GLIS3: variants seen among roughly 807,000 people sequenced by gnomAD.
The protein encoded by GLIS3 is GLIS family zinc finger 3, also known as zinc finger protein GLIS3.
Under a neutral mutation model 78.6 loss-of-function variants are expected in GLIS3, and 53 were observed. The observed-to-expected ratio is 0.67, with a 90% CI of 0.54 to 0.85. GLIS3 has a LOEUF of 0.85. Ranked by LOEUF, GLIS3 falls within the 40% of genes least tolerant of loss-of-function variation. The pLI is 0.00. For synonymous variants in GLIS3, 684 were observed against 509.9 expected (o/e 1.34, Z -4.60); for missense variants, 1,703 against 1,231.1 (o/e 1.38, Z -5.74).
chr9:4,401,855 C>A, the GLIS3 span, among the ~76,000 whole-genome samples: 2 of 152,090 alleles, frequency 1.3e-5, no homozygotes, highest in Non-Finnish European at 2.9e-5. Flanking sequence ...CCTGGCAGAA[C>A]CCCTGTGGAC....
At chr9:4,039,461 A>T (rs980809967) in intron 4 of GLIS3, among the ~76,000 whole-genome samples, 3 of 152,180 alleles carry the variant, frequency 2.0e-5, no homozygotes, top group African/African-American at 4.8e-5. Flanking sequence ...TGCTTCTTGG[A>T]AACAAGCTGC....
intron 5 of GLIS3, among the ~76,000 whole-genome samples, chr9:3,935,723 C>CT (rs1410412465): frequency 2.0e-5 from 3 of 151,504 alleles, no homozygotes; most frequent in African/African-American, 2.4e-5. Flanking sequence ...ACAATTTATT[C>CT]TTTTTTTTTC....
the GLIS3 span, among the ~76,000 whole-genome samples, chr9:4,410,020 G>T: frequency 1.3e-5 from 2 of 152,150 alleles, no homozygotes; most frequent in African/African-American, 2.4e-5. Context: ...ACCCAGGCTG[G>T]AGTGCAGTGG....
At chr9:4,231,603 C>G (rs1032562953) in intron 2 of GLIS3, among the ~76,000 whole-genome samples, 5 of 152,072 alleles carry the variant, frequency 3.3e-5, no homozygotes, top group African/African-American at 1.2e-4. Context: ...AAGCAAAACT[C>G]TTAAAGGAAC....
At chr9:4,288,244 A>G (rs185434392) in intron 1 of GLIS3, among the ~76,000 whole-genome samples, 24 of 152,248 alleles carry the variant, frequency 1.6e-4, no homozygotes, top group Admixed American at 1.5e-3. Flanking sequence ...TTGGCCATCT[A>G]TTTTCCTCTC....
chr9:4,239,312 G>C (rs887274675), intron 2 of GLIS3, among the ~76,000 whole-genome samples: 13 of 148,332 alleles, frequency 8.8e-5, no homozygotes, highest in African/African-American at 3.0e-4. Flanking sequence ...AAACTTAAAA[G>C]TATAATTAAA....
the GLIS3 span, among the ~76,000 whole-genome samples, chr9:4,397,987 T>G: frequency 7.3e-3 from 1,108 of 152,188 alleles, 14 homozygotes; most frequent in Middle Eastern, 0.01. Flanking sequence ...AGCCATTCTG[T>G]TCTGCCCTCA....
the GLIS3 span, among the ~76,000 whole-genome samples, chr9:4,457,024 G>A: frequency 6.6e-6 from 1 of 152,164 alleles, no homozygotes; most frequent in Non-Finnish European, 1.5e-5. Flanking sequence ...GACACCAGTA[G>A]ACTTGCTCTA....
chr9:3,982,715 C>G (rs983069861), intron 4 of GLIS3, among the ~76,000 whole-genome samples: 4 of 152,180 alleles, frequency 2.6e-5, no homozygotes, highest in African/African-American at 9.7e-5. Flanking sequence ...TTTTAGCCAA[C>G]AGATAGTTTC....
chr9:4,310,106 C>G (rs1179202823), intron 3 of GLIS3, among the ~76,000 whole-genome samples: 1 of 148,644 alleles, frequency 6.7e-6, no homozygotes, highest in Non-Finnish European at 1.5e-5. Context: ...TATCAGGATT[C>G]TGCTACACAC....
At chr9:4,153,992 G>C (rs903340225) in intron 2 of GLIS3, among the ~76,000 whole-genome samples, 2 of 152,194 alleles carry the variant, frequency 1.3e-5, no homozygotes, top group African/African-American at 4.8e-5. Flanking sequence ...CATCTAAGTG[G>C]CACACTCCCG....
intron 2 of GLIS3, among the ~76,000 whole-genome samples, chr9:4,261,455 T>A (rs1443248478): frequency 1.3e-5 from 2 of 152,008 alleles, no homozygotes; most frequent in East Asian, 3.9e-4. Context: ...ACATGGAGAT[T>A]AGGAAGAAAC....
the GLIS3 span, among the ~76,000 whole-genome samples, chr9:4,435,391 T>G: frequency 6.6e-6 from 1 of 152,214 alleles, no homozygotes; most frequent in African/African-American, 2.4e-5. Context: ...AGGCAGAGTT[T>G]CCGGGAGCTT....
intron 2 of GLIS3, among the ~76,000 whole-genome samples, chr9:4,247,451 T>C (rs971439344): frequency 6.6e-5 from 10 of 152,300 alleles, no homozygotes; most frequent in African/African-American, 2.2e-4. Context: ...GATCTATAAA[T>C]ACACCCTCTC....
chr9:4,182,542 G>A (rs1467765744), intron 2 of GLIS3, among the ~76,000 whole-genome samples: 1 of 152,176 alleles, frequency 6.6e-6, no homozygotes, highest in Non-Finnish European at 1.5e-5. Context: ...ACTGAGAAAA[G>A]ATGATGAGAA....
the GLIS3 span, among the ~76,000 whole-genome samples, chr9:4,467,841 G>T: frequency 6.6e-6 from 1 of 152,148 alleles, no homozygotes; most frequent in Non-Finnish European, 1.5e-5. Context: ...AAACTTCTCC[G>T]AGCTAAAGGA....
At chr9:4,420,453 T>G in the GLIS3 span, among the ~76,000 whole-genome samples, 1 of 152,278 alleles carries the variant, frequency 6.6e-6, no homozygotes, top group Non-Finnish European at 1.5e-5. Flanking sequence ...CCATTACTCG[T>G]AAGGTGCTGT....
chr9:4,340,481 T>C (rs1817818760), intron 2 of GLIS3, among the ~76,000 whole-genome samples: 1 of 152,110 alleles, frequency 6.6e-6, no homozygotes, highest in African/African-American at 2.4e-5. Context: ...TCCTCATCTT[T>C]CAGGATGCAT....
intron 2 of GLIS3, among the ~76,000 whole-genome samples, chr9:4,153,918 C>T (rs766976813): frequency 6.6e-6 from 1 of 152,164 alleles, no homozygotes; most frequent in Non-Finnish European, 1.5e-5. Flanking sequence ...CATTTGGGGT[C>T]TCTCATGCAC....
Sources: gnomAD v4.1 joint callset for allele counts (sites outside exome capture counted in the v4.1 genomes callset) on GRCh38, gnomAD v4.1.1 for gene constraint, MANE v1.5 for transcripts, NCBI Gene and HGNC (gene_info 2026-07-23, HGNC 2026-07-21) for gene names.